CNTNAP2: variants seen among roughly 807,000 people sequenced by gnomAD.
CNTNAP2 encodes the protein contactin associated protein 2.
Under a neutral mutation model 155.2 loss-of-function variants are expected in CNTNAP2, and 98 were observed. That is an observed-to-expected ratio of 0.63 (90% CI 0.54 to 0.75). The LOEUF is 0.75. Among genes scored for constraint, CNTNAP2 ranks in the 30% least tolerant of loss-of-function variants. The pLI, the probability that CNTNAP2 is intolerant of heterozygous loss-of-function variation, is 0.00. For missense variants in CNTNAP2, 1,727 were observed against 1,688.1 expected, an observed-to-expected ratio of 1.02 and a Z score of -0.40; for synonymous variants, 651 against 631.2, an observed-to-expected ratio of 1.03 and a Z score of -0.47.
chr7:146,900,365 C>T (rs963105559), intron 3 of CNTNAP2, among the ~76,000 whole-genome samples: 1 of 152,148 alleles, frequency 6.6e-6, no homozygotes, highest in Non-Finnish European at 1.5e-5. Context: ...TCTAAATAGC[C>T]TTCCTGCTTC....
intron 8 of CNTNAP2, among the ~76,000 whole-genome samples, chr7:147,137,416 T>C (rs189632276): frequency 1.9e-3 from 285 of 151,758 alleles, no homozygotes; most frequent in African/African-American, 6.5e-3. Context: ...GTCCATTATA[T>C]TAACTTTTTA....
At chr7:146,292,567 TG>T (rs1800448880) in intron 1 of CNTNAP2, among the ~76,000 whole-genome samples, 1 of 151,958 alleles carries the variant, frequency 6.6e-6, no homozygotes, top group African/African-American at 2.4e-5. Context: ...GCAAACAATA[TG>T]GAGGTTCCTC....
intron 10 of CNTNAP2, among the ~76,000 whole-genome samples, chr7:147,417,184 G>A (rs1355467586): frequency 2.0e-5 from 3 of 151,990 alleles, no homozygotes; most frequent in Non-Finnish European, 4.4e-5. Context: ...ATGTATCACA[G>A]AGGCTTAGAA....
intron 13 of CNTNAP2, among the ~76,000 whole-genome samples, chr7:147,642,551 T>G (rs549739950): frequency 7.2e-5 from 11 of 152,038 alleles, no homozygotes; most frequent in African/African-American, 2.7e-4. Flanking sequence ...AAACATAAAA[T>G]GTACAAAACA....
chr7:147,492,308 C>T (rs947476381), intron 11 of CNTNAP2, among the ~76,000 whole-genome samples: 12 of 152,148 alleles, frequency 7.9e-5, no homozygotes, highest in African/African-American at 2.9e-4. Context: ...GGAGCTCAGG[C>T]GGGAATGCCT....
chr7:146,337,624 T>TTTG (rs1801300332), intron 1 of CNTNAP2, among the ~76,000 whole-genome samples: 1 of 151,634 alleles, frequency 6.6e-6, no homozygotes, highest in African/African-American at 2.4e-5. Flanking sequence ...TACCTGGCTT[T>TTTG]TTTGTTTGTT....
chr7:146,384,871 T>TTCAGTAGTTTATTTGCCTGA (rs1795438395), intron 1 of CNTNAP2, among the ~76,000 whole-genome samples: 1 of 152,220 alleles, frequency 6.6e-6, no homozygotes, highest in South Asian at 2.1e-4. Flanking sequence ...GTCATCACAC[T>TTCAGTAGTTTATTTGCCTGA]TCAGTAGTTT....
intron 10 of CNTNAP2, among the ~76,000 whole-genome samples, chr7:147,458,983 T>TAC (rs1797968897): frequency 6.9e-6 from 1 of 145,978 alleles, no homozygotes; most frequent in Non-Finnish European, 1.5e-5. Context: ...ATTTTTTTTT[T>TAC]ACCACTGTGC....
At chr7:147,365,294 G>A (rs908416506) in intron 9 of CNTNAP2, among the ~76,000 whole-genome samples, 1 of 142,176 alleles carries the variant, frequency 7.0e-6, no homozygotes, top group Non-Finnish European at 1.5e-5. Flanking sequence ...ATCCCAGCTC[G>A]AACCCAGGAG....
chr7:146,258,919 C>T (rs2129081177), intron 1 of CNTNAP2, among the ~76,000 whole-genome samples: 2 of 152,234 alleles, frequency 1.3e-5, no homozygotes, highest in Non-Finnish European at 2.9e-5. Context: ...TATGGTTTGG[C>T]TCTGTGTCCC....
At chr7:147,288,713 T>C (rs563051884) in intron 8 of CNTNAP2, among the ~76,000 whole-genome samples, 1 of 152,330 alleles carries the variant, frequency 6.6e-6, no homozygotes, top group African/African-American at 2.4e-5. Context: ...ATTTTCTCTG[T>C]TATACTTTTT....
chr7:146,878,275 T>C lies in CNTNAP2; in HGVS notation c.402+38371T>C, dbSNP rs1795469535. 3.3e-5 allele frequency among the ~76,000 whole-genome samples: 5 copies of C among 152,234 alleles called. No homozygotes were observed. In the South Asian group the frequency reaches 1.0e-3, roughly 32 times the overall value. On this transcript the variant is annotated intron_variant, in intron 3 of 23. Transcript: ENST00000361727. ...CTTGTCCTTGATCTTCTTCTTCCAT[T>C]TGGCCAGTGGCAAACCCTGGGAGGA...
At chr7:148,336,109 T>C (rs1449339472) in intron 21 of CNTNAP2, among the ~76,000 whole-genome samples, 1 of 152,222 alleles carries the variant, frequency 6.6e-6, no homozygotes, top group African/African-American at 2.4e-5. Flanking sequence ...TATTCATTCA[T>C]TCTACAAAAA....
intron 1 of CNTNAP2, among the ~76,000 whole-genome samples, chr7:146,650,707 C>G (rs1332198215): frequency 6.6e-6 from 1 of 151,942 alleles, no homozygotes; most frequent in Non-Finnish European, 1.5e-5. Context: ...TATATAAAAT[C>G]TGATTATTTC....
chr7:147,840,443 G>T (rs1183143979), intron 13 of CNTNAP2, among the ~76,000 whole-genome samples: 2 of 152,172 alleles, frequency 1.3e-5, no homozygotes, highest in Admixed American at 6.6e-5. Context: ...GCAGTTGGGG[G>T]TGTCTGAGTT....
intron 13 of CNTNAP2, among the ~76,000 whole-genome samples, chr7:147,658,789 C>G (rs776655816): frequency 1.3e-4 from 20 of 152,158 alleles, no homozygotes; most frequent in Non-Finnish European, 2.2e-4. Flanking sequence ...TGTGCTTTCC[C>G]CTCCAGCTTC....
chr7:146,835,893 C>A (rs536437827), intron 2 of CNTNAP2, among the ~76,000 whole-genome samples: 1 of 152,270 alleles, frequency 6.6e-6, no homozygotes, highest in South Asian at 2.1e-4. Context: ...TGTGAAGACA[C>A]CTCAGAGTTT....
chr7:148,182,920 T>C (rs1201600868), intron 18 of CNTNAP2, among the ~76,000 whole-genome samples: 1 of 152,234 alleles, frequency 6.6e-6, no homozygotes, highest in African/African-American at 2.4e-5. Flanking sequence ...AGTATTCAAG[T>C]TCTATAAGGC....
intron 1 of CNTNAP2, among the ~76,000 whole-genome samples, chr7:146,560,022 A>G (rs1798256474): frequency 6.6e-6 from 1 of 152,218 alleles, no homozygotes; most frequent in African/African-American, 2.4e-5. Flanking sequence ...TTCACCAGTT[A>G]AAACACTTTT....
Sources: allele counts gnomAD v4.1 joint callset (sites outside exome capture counted in the v4.1 genomes callset), GRCh38; gene constraint gnomAD v4.1.1; transcripts MANE v1.5; gene names NCBI Gene and HGNC (gene_info 2026-07-23, HGNC 2026-07-21).